The following C3orf52 variants were observed in gnomAD, a reference collection of about 807,000 sequenced individuals.
The protein encoded by C3orf52 is TPA-induced transmembrane protein.
In C3orf52, 22 loss-of-function variants were observed where a neutral mutation model predicts 24.8. That is an observed-to-expected ratio of 0.89 (90% CI 0.63 to 1.27). The LOEUF is 1.27. Ranked by LOEUF, C3orf52 falls within the 50% of genes most tolerant of loss-of-function variation. C3orf52 has a pLI of 0.00. For missense variants in C3orf52, 265 were observed against 260.7 expected, an observed-to-expected ratio of 1.02 and a Z score of -0.11; for synonymous variants, 93 against 100.2, an observed-to-expected ratio of 0.93 and a Z score of 0.43.
intron 3 of C3orf52, among the ~76,000 whole-genome samples, chr3:112,109,313 C>A (rs1423341738): frequency 1.3e-5 from 2 of 152,202 alleles, no homozygotes; most frequent in East Asian, 3.9e-4. Flanking sequence ...AGTGCAACTT[C>A]TGAGAGAAAC....
chr3:112,101,200 T>C (rs1377224410), intron 2 of C3orf52, among the ~76,000 whole-genome samples: 4 of 152,190 alleles, frequency 2.6e-5, no homozygotes, highest in Admixed American at 1.3e-4. Flanking sequence ...CAGCATGCAG[T>C]CCTACTGATC....
At chr3:112,125,551 C>CTTCCTTACACAAAATTGATTTGTG (rs2074298059) in intron 4 of C3orf52, among the ~76,000 whole-genome samples, 1 of 152,200 alleles carries the variant, frequency 6.6e-6, no homozygotes, top group Admixed American at 6.5e-5. Flanking sequence ...GCCCCGTCTC[C>CTTCCTTACACAAAATTGATTTGTG]TTCCTTACAC....
intron 1 of C3orf52, among the ~76,000 whole-genome samples, chr3:112,088,018 TA>T (rs1245032247): frequency 6.6e-6 from 1 of 152,210 alleles, no homozygotes. Context: ...GGGTTATCAG[TA>T]TTCTGTAATT....
chr3:112,105,693 C>T (rs977502168), intron 3 of C3orf52, among the ~76,000 whole-genome samples: 2 of 151,946 alleles, frequency 1.3e-5, no homozygotes, highest in Non-Finnish European at 2.9e-5. Flanking sequence ...CACAAAACTT[C>T]CCTCATTTAA....
chr3:112,109,789 C>T, intron 4 of C3orf52, 176 bp downstream of exon 4: 1 of 468,750 alleles, frequency 2.1e-6, no homozygotes, highest in East Asian at 3.3e-5. Flanking sequence ...GGCTCAACTC[C>T]CTTATTTTAC....
At chr3:112,133,363 C>T (rs2074504741), downstream of C3orf52, 13 of 447,394 alleles carry the variant, frequency 2.9e-5, no homozygotes, top group East Asian at 5.0e-4. Context: ...GGCTGTTGGC[C>T]ATAACCAGCA....
At chr3:112,108,630 G>A (rs1363565513) in intron 3 of C3orf52, among the ~76,000 whole-genome samples, 1 of 152,198 alleles carries the variant, frequency 6.6e-6, no homozygotes, top group East Asian at 1.9e-4. Flanking sequence ...AAAGGAATCT[G>A]TGCAGGAGTT....
intron 4 of C3orf52, among the ~76,000 whole-genome samples, chr3:112,127,239 TCTC>T (rs1434740690): frequency 2.6e-5 from 4 of 152,216 alleles, no homozygotes; most frequent in Non-Finnish European, 4.4e-5. Context: ...TCTTTCTCTC[TCTC>T]CTCCTCTCTT....
chr3:112,132,652 G>A, downstream of C3orf52: 1 of 987,170 alleles, frequency 1.0e-6, no homozygotes, highest in Non-Finnish European at 1.2e-6. Context: ...TGCAGGGAGT[G>A]CACATCAAAG....
chr3:112,111,842 C>T (rs1414169548), intron 4 of C3orf52: 1 of 152,246 alleles, frequency 6.6e-6, no homozygotes, highest in African/African-American at 2.4e-5. Flanking sequence ...ATCCTTGAAA[C>T]TATGAGTTTC....
At chr3:112,088,506 G>A (rs1224460628) in intron 1 of C3orf52, among the ~76,000 whole-genome samples, 11 of 150,948 alleles carry the variant, frequency 7.3e-5, no homozygotes, top group Admixed American at 5.3e-4. Context: ...AGAGGAAGGC[G>A]TCAGTATTCT....
downstream of C3orf52, among the ~76,000 whole-genome samples, chr3:112,131,465 C>T (rs924155461): frequency 5.3e-5 from 8 of 152,112 alleles, no homozygotes; most frequent in African/African-American, 1.7e-4. Flanking sequence ...CTTTTGAATA[C>T]GTTAACGGAA....
downstream of C3orf52, chr3:112,132,658 C>T: frequency 1.0e-6 from 1 of 987,248 alleles, no homozygotes; most frequent in Non-Finnish European, 1.2e-6. Flanking sequence ...GAGTGCACAT[C>T]AAAGGAAGAC....
At chr3:112,106,410 C>G (rs2074025813) in intron 3 of C3orf52, among the ~76,000 whole-genome samples, 1 of 152,160 alleles carries the variant, frequency 6.6e-6, no homozygotes, top group Non-Finnish European at 1.5e-5. Flanking sequence ...CTGAAAGTTC[C>G]AAGCTTCTAG....
At chr3:112,125,314 C>A in intron 4 of C3orf52, 1 of 1,142,164 alleles carries the variant, frequency 8.8e-7, no homozygotes, top group South Asian at 1.2e-5. Context: ...AAGGGAAGAG[C>A]AGGGGAGGCT....
intron 3 of C3orf52, among the ~76,000 whole-genome samples, 156 bp downstream of exon 3, chr3:112,103,121 C>A (rs1362870718): frequency 1.3e-5 from 2 of 152,022 alleles, no homozygotes; most frequent in African/African-American, 4.8e-5. Context: ...TATTTTATGA[C>A]CAAATACCAC....
chr3:112,114,653 G>A (rs1364127602), intron 5 of C3orf52, among the ~76,000 whole-genome samples: 1 of 152,008 alleles, frequency 6.6e-6, no homozygotes, highest in African/African-American at 2.4e-5. Context: ...GCGGTGAGCC[G>A]AGATCGCATC....
downstream of C3orf52, chr3:112,130,163 A>G (rs1047889467): frequency 2.3e-4 from 88 of 385,704 alleles, no homozygotes; most frequent in East Asian, 3.9e-3. Flanking sequence ...CAAAATGACA[A>G]CAGGAAATAA....
intron 2 of C3orf52, among the ~76,000 whole-genome samples, chr3:112,095,306 T>C (rs1230316925): frequency 6.6e-6 from 1 of 152,164 alleles, no homozygotes; most frequent in Non-Finnish European, 1.5e-5. Flanking sequence ...ACATGGATGT[T>C]GAAAATGAGG....
Sources: gnomAD v4.1 joint callset for allele counts (sites outside exome capture counted in the v4.1 genomes callset) on GRCh38, gnomAD v4.1.1 for gene constraint, MANE v1.5 for transcripts, NCBI Gene and HGNC (gene_info 2026-07-23, HGNC 2026-07-21) for gene names.